Variants in EPHB1 observed in about 807,000 individuals in gnomAD.
EPHB1 encodes the protein ephrin type-B receptor 1.
Under a neutral mutation model 94.4 loss-of-function variants are expected in EPHB1, and 30 were observed. The observed-to-expected ratio is 0.32, with a 90% CI of 0.24 to 0.43. The LOEUF (loss-of-function observed/expected upper bound fraction) is 0.43, where lower values mean the gene tolerates loss of function less well. Among genes scored for constraint, EPHB1 ranks in the 20% least tolerant of loss-of-function variants. The pLI, the probability that EPHB1 is intolerant of heterozygous loss-of-function variation, is 1.00. For missense variants in EPHB1, 1,055 were observed against 1,308.3 expected (o/e 0.81, Z 2.99); for synonymous variants, 522 against 489.1 (o/e 1.07, Z -0.89).
At chr3:135,051,419 TAATA>T (rs1937164420) in intron 3 of EPHB1, among the ~76,000 whole-genome samples, 1 of 152,234 alleles carries the variant, frequency 6.6e-6, no homozygotes, top group African/African-American at 2.4e-5. Flanking sequence ...TATTTCCTAA[TAATA>T]AATCCCCCAA....
At chr3:134,930,932 TGA>T (rs1357336241) in intron 2 of EPHB1, among the ~76,000 whole-genome samples, 2 of 152,244 alleles carry the variant, frequency 1.3e-5, no homozygotes, top group Non-Finnish European at 2.9e-5. Flanking sequence ...GGTCAGAGAA[TGA>T]GCCAGCTCCC....
intron 1 of EPHB1, among the ~76,000 whole-genome samples, chr3:134,888,174 A>T (rs1193738619): frequency 6.6e-6 from 1 of 152,170 alleles, no homozygotes; most frequent in Non-Finnish European, 1.5e-5. Context: ...CTGCCCTTTC[A>T]TCACAGGGGC....
intron 9 of EPHB1, among the ~76,000 whole-genome samples, chr3:135,173,720 C>T (rs1471796867): frequency 6.6e-6 from 1 of 152,208 alleles, no homozygotes; most frequent in African/African-American, 2.4e-5. Context: ...CGTGTGCCTC[C>T]CAAACCCACA....
chr3:135,173,128 G>A (rs1411022014), intron 9 of EPHB1, among the ~76,000 whole-genome samples: 6 of 149,112 alleles, frequency 4.0e-5, no homozygotes, highest in South Asian at 2.2e-4. Context: ...TCCGCCTCCC[G>A]GGTTCACGCC....
At chr3:135,191,131 G>A (rs969434571) in intron 10 of EPHB1, among the ~76,000 whole-genome samples, 1 of 150,670 alleles carries the variant, frequency 6.6e-6, no homozygotes, top group African/African-American at 2.4e-5. Flanking sequence ...GGGAGGGAGG[G>A]ACAGAGGGAG....
chr3:134,975,648 G>A (rs1934157896), intron 3 of EPHB1, among the ~76,000 whole-genome samples: 2 of 152,068 alleles, frequency 1.3e-5, no homozygotes, highest in Admixed American at 1.3e-4. Flanking sequence ...AACTTCAGGA[G>A]GCAGGTCACA....
At chr3:135,001,275 A>G (rs911320587) in intron 3 of EPHB1, among the ~76,000 whole-genome samples, 40 of 152,200 alleles carry the variant, frequency 2.6e-4, no homozygotes, top group Non-Finnish European at 3.2e-4. Context: ...GAAATGGGGG[A>G]TTGGAATCAA....
intron 5 of EPHB1, among the ~76,000 whole-genome samples, chr3:135,153,799 T>G (rs1451764510): frequency 1.3e-5 from 2 of 152,174 alleles, no homozygotes; most frequent in Non-Finnish European, 2.9e-5. Flanking sequence ...TTCAACACCT[T>G]CTTCTCAAAA....
intron 2 of EPHB1, among the ~76,000 whole-genome samples, chr3:134,933,384 C>T (rs1025587820): frequency 1.3e-5 from 2 of 152,116 alleles, no homozygotes; most frequent in Non-Finnish European, 2.9e-5. Context: ...TTGAATCCCT[C>T]TCATGCTCAC....
chr3:134,999,361 A>AG (rs1935100132), intron 3 of EPHB1, among the ~76,000 whole-genome samples: 1 of 152,186 alleles, frequency 6.6e-6, no homozygotes, highest in Non-Finnish European at 1.5e-5. Context: ...CAGACAGAGA[A>AG]GGGATATTTG....
At chr3:135,078,706 T>C (rs1308392909) in intron 3 of EPHB1, among the ~76,000 whole-genome samples, 1 of 152,250 alleles carries the variant, frequency 6.6e-6, no homozygotes, top group Non-Finnish European at 1.5e-5. Flanking sequence ...GTCATGCATC[T>C]TTCTTAGGGA....
At chr3:134,853,056 G>A (rs187784739) in intron 1 of EPHB1, among the ~76,000 whole-genome samples, 3 of 152,138 alleles carry the variant, frequency 2.0e-5, no homozygotes, top group Non-Finnish European at 4.4e-5. Context: ...AGCCCGAGTC[G>A]GGAGGGAGAG....
At chr3:135,144,466 A>C (rs1940943892) in intron 5 of EPHB1, among the ~76,000 whole-genome samples, 1 of 152,190 alleles carries the variant, frequency 6.6e-6, no homozygotes, top group South Asian at 2.1e-4. Flanking sequence ...TGCCTGTCTT[A>C]CCAGTTCCCA....
At chr3:135,165,908 G>A in intron 7 of EPHB1, 60 bp from the exon 8 acceptor site, 1 of 1,216,346 alleles carries the variant, frequency 8.2e-7, no homozygotes, top group Non-Finnish European at 1.2e-6. Context: ...ATTGTGCACT[G>A]AGTATCAGCT....
chr3:134,957,387 T>A (rs1237963587), intron 3 of EPHB1, among the ~76,000 whole-genome samples: 1 of 152,084 alleles, frequency 6.6e-6, no homozygotes, highest in African/African-American at 2.4e-5. Flanking sequence ...GTAGACAGGA[T>A]GAACCTGGGT....
intron 3 of EPHB1, among the ~76,000 whole-genome samples, chr3:135,026,485 G>C (rs1936176935): frequency 6.7e-6 from 1 of 149,250 alleles, no homozygotes; most frequent in Admixed American, 6.7e-5. Flanking sequence ...TTTCCCCATT[G>C]CTTGTTTTTC....
At chr3:134,988,481 T>C (rs1384329430) in intron 3 of EPHB1, among the ~76,000 whole-genome samples, 1 of 152,116 alleles carries the variant, frequency 6.6e-6, no homozygotes, top group Non-Finnish European at 1.5e-5. Context: ...CTAATGACTG[T>C]TGGGTTCTAT....
At chr3:135,022,148 T>A (rs1936006677) in intron 3 of EPHB1, among the ~76,000 whole-genome samples, 1 of 152,172 alleles carries the variant, frequency 6.6e-6, no homozygotes, top group Non-Finnish European at 1.5e-5. Context: ...CCCGGCTAAT[T>A]TTTTGTATTG....
intron 1 of EPHB1, among the ~76,000 whole-genome samples, chr3:134,883,149 T>C (rs1249851785): frequency 6.6e-6 from 1 of 152,170 alleles, no homozygotes; most frequent in Non-Finnish European, 1.5e-5. Flanking sequence ...TAGGATTGAA[T>C]GGGAATATGA....
Sources: allele counts gnomAD v4.1 joint callset (sites outside exome capture counted in the v4.1 genomes callset), GRCh38; gene constraint gnomAD v4.1.1; transcripts MANE v1.5; gene names NCBI Gene and HGNC (gene_info 2026-07-23, HGNC 2026-07-21).